The following RCAN2 variants were observed in gnomAD, a reference collection of about 807,000 sequenced individuals.
RCAN2 encodes the protein calcipressin-2.
A neutral mutation model predicts 23.6 loss-of-function variants in RCAN2; 9 were observed. The observed-to-expected ratio is 0.38, with a 90% CI of 0.23 to 0.67. The LOEUF (loss-of-function observed/expected upper bound fraction) is 0.67, where lower values mean the gene tolerates loss of function less well. Among genes scored for constraint, RCAN2 ranks in the 30% least tolerant of loss-of-function variants. The pLI is 0.51. For missense variants in RCAN2, 273 were observed against 302.3 expected, an observed-to-expected ratio of 0.90 and a Z score of 0.72; for synonymous variants, 109 against 115.7, an observed-to-expected ratio of 0.94 and a Z score of 0.37.
chr6:46,351,894 G>A (rs1022471453), intron 2 of RCAN2, among the ~76,000 whole-genome samples: 1 of 152,196 alleles, frequency 6.6e-6, no homozygotes, highest in Non-Finnish European at 1.5e-5. Context: ...ACTCAGTGTA[G>A]TTTACTTAGA....
At chr6:46,363,407 A>G (rs1316277167) in intron 2 of RCAN2, among the ~76,000 whole-genome samples, 2 of 152,196 alleles carry the variant, frequency 1.3e-5, no homozygotes, top group African/African-American at 4.8e-5. Context: ...CAAATTTTCA[A>G]TTAAATAAAT....
At chr6:46,485,177 T>C (rs764141143) in intron 1 of RCAN2, among the ~76,000 whole-genome samples, 1 of 152,210 alleles carries the variant, frequency 6.6e-6, no homozygotes, top group Non-Finnish European at 1.5e-5. Context: ...CTTAAATAAT[T>C]GGGAACAATC....
chr6:46,415,902 G>A (rs1484449857), intron 2 of RCAN2, among the ~76,000 whole-genome samples: 1 of 152,126 alleles, frequency 6.6e-6, no homozygotes, highest in Non-Finnish European at 1.5e-5. Flanking sequence ...GATATAAAAT[G>A]ATGTAATATT....
At chr6:46,341,301 G>A (rs1764311318) in intron 2 of RCAN2, among the ~76,000 whole-genome samples, 1 of 152,094 alleles carries the variant, frequency 6.6e-6, no homozygotes, top group African/African-American at 2.4e-5. Flanking sequence ...TAAAAGCAGG[G>A]GGGTCAAATC....
At chr6:46,324,648 T>C (rs1425035207) in intron 2 of RCAN2, among the ~76,000 whole-genome samples, 1 of 152,212 alleles carries the variant, frequency 6.6e-6, no homozygotes, top group East Asian at 1.9e-4. Flanking sequence ...GCCTGGCATC[T>C]TCTCCATAAT....
At chr6:46,391,805 CAG>C (rs1001426672) in intron 2 of RCAN2, among the ~76,000 whole-genome samples, 11 of 152,004 alleles carry the variant, frequency 7.2e-5, no homozygotes, top group African/African-American at 2.7e-4. Context: ...GGTGACAAGG[CAG>C]AGTGTGTGTT....
In RCAN2 at chr6:46,292,434, T is replaced by G. The variant is rs576353315; in HGVS notation, c.226-43538A>C. On this transcript the variant is annotated intron_variant, in intron 2 of 4. Coordinates refer to ENST00000371374, the MANE Select transcript of RCAN2 (RefSeq NM_001251974.2). ...TTGGGAGTTGATTTGTTGTTTTTTTTTTTGTTTTTTTTTTTGGTGGGGGGG... is the reference window on the plus strand; with the variant it reads ...TTGGGAGTTGATTTGTTGTTTTTTTGTTTGTTTTTTTTTTTGGTGGGGGGG... Among the ~76,000 whole-genome samples, 411 of 144,890 alleles carry G rather than the reference T, an allele frequency of 2.8e-3. 2 individuals are homozygous for G. The highest frequency in any genetic ancestry group is 6.8e-3 in the African/African-American group (260 of 38,090).
At chr6:46,414,132 C>T (rs2150409177) in intron 2 of RCAN2, among the ~76,000 whole-genome samples, 1 of 152,280 alleles carries the variant, frequency 6.6e-6, no homozygotes, top group African/African-American at 2.4e-5. Context: ...AGTGAGGAGA[C>T]TGAGGTTCTG....
At chr6:46,457,066 A>AGAACAGT in intron 1 of RCAN2, 88 bp from the exon 2 acceptor site, 1 of 798,822 alleles carries the variant, frequency 1.3e-6, no homozygotes. Context: ...TGTCAGGGGC[A>AGAACAGT]GAACAGTGGA....
chr6:46,261,065 T>A (rs1388404614), intron 2 of RCAN2, among the ~76,000 whole-genome samples: 2 of 152,212 alleles, frequency 1.3e-5, no homozygotes, highest in African/African-American at 4.8e-5. Flanking sequence ...CTCTGGCCCA[T>A]CAATTCCTCT....
chr6:46,421,570 C>G (rs1442031997), intron 2 of RCAN2, among the ~76,000 whole-genome samples: 2 of 152,208 alleles, frequency 1.3e-5, no homozygotes, highest in Non-Finnish European at 2.9e-5. Context: ...AACTCACAAA[C>G]TCCTACTCAA....
chr6:46,340,133 G>A (rs1016731243), intron 2 of RCAN2, among the ~76,000 whole-genome samples: 8 of 152,122 alleles, frequency 5.3e-5, no homozygotes, highest in Non-Finnish European at 1.2e-4. Flanking sequence ...TTCCTTTCAT[G>A]GACAGATTAT....
At chr6:46,394,128 G>A (rs908735015) in intron 2 of RCAN2, among the ~76,000 whole-genome samples, 1 of 152,286 alleles carries the variant, frequency 6.6e-6, no homozygotes, top group South Asian at 2.1e-4. Context: ...CTACTCAAAA[G>A]AATGCATTGT....
intron 1 of RCAN2, among the ~76,000 whole-genome samples, chr6:46,476,715 T>A (rs371570688): frequency 0.019 from 2,859 of 152,332 alleles, 41 homozygotes; most frequent in Middle Eastern, 0.041. Flanking sequence ...TCTTTTGTTC[T>A]AGGTTTTTTA....
At chr6:46,257,517 G>A (rs1766957823) in intron 2 of RCAN2, among the ~76,000 whole-genome samples, 1 of 152,136 alleles carries the variant, frequency 6.6e-6, no homozygotes, top group South Asian at 2.1e-4. Flanking sequence ...GGGGAAGCAG[G>A]CACGTCTTAC....
intron 2 of RCAN2, among the ~76,000 whole-genome samples, chr6:46,379,342 A>G (rs1765560864): frequency 6.6e-6 from 1 of 152,160 alleles, no homozygotes. Context: ...TCTCTCCTGC[A>G]TCACCCAGGA....
At chr6:46,372,993 G>A (rs1765360614) in intron 2 of RCAN2, among the ~76,000 whole-genome samples, 1 of 152,186 alleles carries the variant, frequency 6.6e-6, no homozygotes, top group South Asian at 2.1e-4. Context: ...GTGAATATAG[G>A]AGCTGGGACC....
At chr6:46,278,158 A>C (rs1767777529) in intron 2 of RCAN2, among the ~76,000 whole-genome samples, 1 of 152,164 alleles carries the variant, frequency 6.6e-6, no homozygotes, top group African/African-American at 2.4e-5. Context: ...CATGAAATGC[A>C]GACAAGTATC....
intron 2 of RCAN2, among the ~76,000 whole-genome samples, chr6:46,314,637 AGCATTACT>A (rs1208723361): frequency 1.4e-4 from 21 of 152,330 alleles, no homozygotes; most frequent in Admixed American, 2.6e-4. Context: ...ATTATAGTTA[AGCATTACT>A]GCGGTGAAAC....
Sources: allele counts gnomAD v4.1 joint callset (sites outside exome capture counted in the v4.1 genomes callset), GRCh38; gene constraint gnomAD v4.1.1; transcripts MANE v1.5; gene names NCBI Gene and HGNC (gene_info 2026-07-23, HGNC 2026-07-21).